The following MSN variants were observed in gnomAD, a reference collection of about 807,000 sequenced individuals.
MSN encodes moesin.
Under a neutral mutation model 48.0 loss-of-function variants are expected in MSN, and 2 were observed. The observed-to-expected ratio is 0.04, with a 90% CI of 0.02 to 0.13. MSN has a LOEUF of 0.13. Among genes scored for constraint, MSN ranks in the 10% least tolerant of loss-of-function variants. The pLI, the probability that MSN is intolerant of heterozygous loss-of-function variation, is 1.00. For missense variants in MSN, 267 were observed against 470.1 expected (o/e 0.57, Z 3.99); for synonymous variants, 146 against 166.9 (o/e 0.87, Z 0.97).
chrX:65,600,338 A>C (rs959332660), intron 1 of MSN, among the ~76,000 whole-genome samples: 2 of 111,408 alleles, frequency 1.8e-5, no homozygotes, highest in Non-Finnish European at 3.8e-5. Flanking sequence ...CAGGCGTCTA[A>C]ATGCGTCTGT....
chrX:65,696,797 G>A (rs1261176135), intron 1 of MSN, among the ~76,000 whole-genome samples: 4 of 111,042 alleles, frequency 3.6e-5, no homozygotes, highest in Non-Finnish European at 7.6e-5. Flanking sequence ...TTATCAACTC[G>A]AAAAAACAAA....
chrX:65,589,091 G>A (rs947034209), intron 1 of MSN: 2 of 128,878 alleles, frequency 1.6e-5, no homozygotes, highest in Non-Finnish European at 3.2e-5. Context: ...CCCTGTGGAG[G>A]CCTGGGGATC....
Position 65,631,383 on chromosome X carries a change from C to T in MSN, c.-22+42771C>T, listed in dbSNP as rs73629465. Among the ~76,000 whole-genome samples, 967 of 110,102 alleles carry T rather than the reference C, an allele frequency of 8.8e-3. 11 individuals carry two copies. The highest frequency in any genetic ancestry group is 0.03 in the African/African-American group (899 of 29,631). ...TGATGAGATTACAGATGTGAGCCAC[C>T]GTGCCCAGCCCCCTACATCCTTCTT... On this transcript the variant is annotated intron_variant, in intron 1 of 3. Coordinates refer to the MSN transcript ENST00000609672.
chrX:65,660,631 G>A (rs1486944470), intron 1 of MSN, among the ~76,000 whole-genome samples: 4 of 103,583 alleles, frequency 3.9e-5, no homozygotes, highest in African/African-American at 1.1e-4. Flanking sequence ...CAGTGGCGCC[G>A]TCTCGGCTCA....
At chrX:65,647,340 C>A (rs1183715688) in intron 1 of MSN, among the ~76,000 whole-genome samples, 1 of 109,378 alleles carries the variant, frequency 9.1e-6, no homozygotes, top group Admixed American at 9.8e-5. Flanking sequence ...GCCTCCCAAG[C>A]AGCTGGGATT....
intron 4 of MSN, 90 bp from the exon 5 acceptor site, chrX:65,731,017 A>C: frequency 1.4e-6 from 1 of 728,646 alleles, no homozygotes; most frequent in East Asian, 3.6e-5. Context: ...TCCTCTTTGC[A>C]TCAGCCCCTT....
chrX:65,700,309 A>G (rs967132841), intron 1 of MSN, among the ~76,000 whole-genome samples: 5 of 111,794 alleles, frequency 4.5e-5, no homozygotes, highest in African/African-American at 1.6e-4. Flanking sequence ...TGTTCCAGAG[A>G]CTACCTCTAG....
intron 1 of MSN, among the ~76,000 whole-genome samples, chrX:65,623,615 A>T (rs1602729460): frequency 9.1e-6 from 1 of 109,758 alleles, no homozygotes; most frequent in Non-Finnish European, 1.9e-5. Context: ...GTTCAAGACC[A>T]GCCTGGCCTA....
intron 1 of MSN, among the ~76,000 whole-genome samples, chrX:65,668,545 C>T (rs1026787112): frequency 8.9e-6 from 1 of 111,802 alleles, no homozygotes; most frequent in African/African-American, 3.3e-5. Flanking sequence ...TTGCTTAATG[C>T]CTCTCTATCT....
At chrX:65,716,391 C>T in intron 1 of MSN, 1 of 194,239 alleles carries the variant, frequency 5.1e-6, no homozygotes, top group Non-Finnish European at 1.0e-5. Context: ...TTCTCATACC[C>T]CAGCCTCCCA....
At chrX:65,603,892 G>A (rs771328380) in intron 1 of MSN, among the ~76,000 whole-genome samples, 1 of 112,162 alleles carries the variant, frequency 8.9e-6, no homozygotes, top group South Asian at 3.7e-4. Context: ...TAACAACGTG[G>A]TAGTCACAGT....
chrX:65,645,216 G>A (rs2070686332), intron 1 of MSN, among the ~76,000 whole-genome samples: 1 of 111,781 alleles, frequency 8.9e-6, no homozygotes, highest in Non-Finnish European at 1.9e-5. Context: ...CTCTGAGCCT[G>A]GAGCTATCAG....
At chrX:65,632,349 G>A (rs1376628244) in intron 1 of MSN, among the ~76,000 whole-genome samples, 1 of 111,728 alleles carries the variant, frequency 9.0e-6, no homozygotes, top group Non-Finnish European at 1.9e-5. Context: ...CTAACCTCTC[G>A]ATTTTGGACT....
chrX:65,691,753 A>G (rs1335104827), intron 1 of MSN, among the ~76,000 whole-genome samples: 9 of 111,654 alleles, frequency 8.1e-5, no homozygotes, highest in Non-Finnish European at 1.5e-4. Context: ...TAATCCACCC[A>G]CCTCAGCCTC....
intron 1 of MSN, among the ~76,000 whole-genome samples, chrX:65,694,915 G>T (rs1303331336): frequency 8.9e-6 from 1 of 112,034 alleles, no homozygotes; most frequent in Non-Finnish European, 1.9e-5. Flanking sequence ...GAGGATGTAG[G>T]AAGGAGAAAA....
intron 1 of MSN, among the ~76,000 whole-genome samples, chrX:65,646,040 A>C (rs1167471815): frequency 8.9e-6 from 1 of 112,092 alleles, no homozygotes; most frequent in African/African-American, 3.2e-5. Flanking sequence ...AATATTCCAA[A>C]ATTTGGAAAA....
chrX:65,595,045 T>C (rs966069740), intron 1 of MSN, among the ~76,000 whole-genome samples: 1 of 111,661 alleles, frequency 9.0e-6, no homozygotes, highest in African/African-American at 3.3e-5. Context: ...ACAAATCCTG[T>C]AGACAGTAGG....
chrX:65,657,564 C>T lies in MSN; in HGVS notation c.-21-59254C>T, dbSNP rs779038863. On this transcript the variant is annotated intron_variant, in intron 1 of 3. Transcript: ENST00000609672. ...TGATATTGGCTGGCTGGGGAAAGTG[C>T]TTGAAAAGCTTCCAGCTCTATCAGG... 3.1e-4 allele frequency among the ~76,000 whole-genome samples: 34 copies of T among 111,430 alleles called. No homozygotes were observed. The South Asian group carries it at 0.013, about 42-fold the overall frequency.
At chrX:65,702,748 T>C (rs752488711) in intron 1 of MSN, among the ~76,000 whole-genome samples, 27 of 111,459 alleles carry the variant, frequency 2.4e-4, no homozygotes, top group African/African-American at 8.1e-4. Flanking sequence ...CCCAGTGGGT[T>C]GTGTTGAGGG....
Sources: allele counts gnomAD v4.1 joint callset (sites outside exome capture counted in the v4.1 genomes callset), GRCh38; gene constraint gnomAD v4.1.1; transcripts MANE v1.5; gene names NCBI Gene and HGNC (gene_info 2026-07-23, HGNC 2026-07-21).